DOCK3: variants seen among roughly 807,000 people sequenced by gnomAD.
DOCK3 encodes dedicator of cytokinesis protein 3.
DOCK3 carries 60 observed loss-of-function variants against 265.6 expected under a neutral mutation model. That is an observed-to-expected ratio of 0.23 (90% CI 0.18 to 0.28). The LOEUF is 0.28. DOCK3 is among the 10% of genes least tolerant of loss of function. DOCK3 has a pLI of 1.00. For synonymous variants in DOCK3, 881 were observed against 938.0 expected, an observed-to-expected ratio of 0.94 and a Z score of 1.11; for missense variants, 1,981 against 2,594.3, an observed-to-expected ratio of 0.76 and a Z score of 5.14.
At chr3:50,879,361 A>T (rs1403446158) in intron 3 of DOCK3, among the ~76,000 whole-genome samples, 1 of 152,224 alleles carries the variant, frequency 6.6e-6, no homozygotes, top group Non-Finnish European at 1.5e-5. Context: ...AAGACCCATC[A>T]GTGTGCTATA....
At chr3:51,319,091 G>A (rs1021237104) in intron 32 of DOCK3, among the ~76,000 whole-genome samples, 4 of 152,020 alleles carry the variant, frequency 2.6e-5, no homozygotes, top group African/African-American at 4.8e-5. Flanking sequence ...TGTTAAATAA[G>A]AGCAATGAGA....
intron 1 of DOCK3, among the ~76,000 whole-genome samples, chr3:50,702,985 A>G (rs538441857): frequency 1.3e-5 from 2 of 152,232 alleles, no homozygotes; most frequent in South Asian, 4.1e-4. Flanking sequence ...GGTTTGTCAT[A>G]GGTGGCTTTT....
chr3:51,305,222 A>G (rs2109402443), intron 27 of DOCK3, among the ~76,000 whole-genome samples: 2 of 152,164 alleles, frequency 1.3e-5, no homozygotes, highest in East Asian at 3.9e-4. Context: ...TTTGCATTAT[A>G]TATTTTGAGG....
At chr3:51,203,258 T>C (rs1266875562) in intron 12 of DOCK3, among the ~76,000 whole-genome samples, 3 of 152,092 alleles carry the variant, frequency 2.0e-5, no homozygotes, top group Non-Finnish European at 4.4e-5. Flanking sequence ...TGATTGTATA[T>C]CTAGAAAACC....
At chr3:51,321,577 C>G (rs913213219) in intron 32 of DOCK3, among the ~76,000 whole-genome samples, 5 of 152,046 alleles carry the variant, frequency 3.3e-5, no homozygotes, top group African/African-American at 1.2e-4. Flanking sequence ...AGCCAAGAAC[C>G]TTGAAAAAGG....
At chr3:51,341,029 C>T (rs1219159029) in intron 37 of DOCK3, among the ~76,000 whole-genome samples, 1 of 152,216 alleles carries the variant, frequency 6.6e-6, no homozygotes, top group African/African-American at 2.4e-5. Context: ...AGGTGTCTAC[C>T]AGAATATTTG....
chr3:51,057,706 C>T (rs930602843), intron 5 of DOCK3, among the ~76,000 whole-genome samples: 8 of 152,120 alleles, frequency 5.3e-5, no homozygotes, highest in South Asian at 2.1e-4. Context: ...AGTGCGGTGT[C>T]GGAGCAATGT....
intron 2 of DOCK3, among the ~76,000 whole-genome samples, chr3:50,780,635 A>G (rs1369839464): frequency 6.6e-6 from 1 of 152,216 alleles, no homozygotes; most frequent in African/African-American, 2.4e-5. Flanking sequence ...TATAGTGATC[A>G]GATCAGGGTA....
At chr3:51,291,438 A>G (rs1476159999) in intron 27 of DOCK3, among the ~76,000 whole-genome samples, 1 of 152,210 alleles carries the variant, frequency 6.6e-6, no homozygotes, top group Non-Finnish European at 1.5e-5. Flanking sequence ...GATAACAGAA[A>G]TATAAAGGAT....
At chr3:51,294,535 A>C (rs2081965994) in intron 27 of DOCK3, among the ~76,000 whole-genome samples, 1 of 152,084 alleles carries the variant, frequency 6.6e-6, no homozygotes, top group Non-Finnish European at 1.5e-5. Flanking sequence ...AAAAATAGCC[A>C]GGCGTGGTGG....
intron 49 of DOCK3, among the ~76,000 whole-genome samples, chr3:51,372,331 G>A (rs1045551133): frequency 6.6e-6 from 1 of 152,206 alleles, no homozygotes; most frequent in Non-Finnish European, 1.5e-5. Context: ...TCCTACCATG[G>A]GATTGGCTGC....
At chr3:51,333,900 G>A (rs1353386869) in intron 35 of DOCK3, among the ~76,000 whole-genome samples, 1 of 151,704 alleles carries the variant, frequency 6.6e-6, no homozygotes, top group Non-Finnish European at 1.5e-5. Context: ...CCAGACTGGA[G>A]GGCAATCATG....
chr3:51,076,808 G>A (rs1371678826), intron 7 of DOCK3, among the ~76,000 whole-genome samples: 1 of 152,126 alleles, frequency 6.6e-6, no homozygotes, highest in African/African-American at 2.4e-5. Context: ...GAGAAGGAAA[G>A]ACATTCCAAA....
chr3:50,898,906 C>G (rs1405029331), intron 4 of DOCK3, among the ~76,000 whole-genome samples: 1 of 152,068 alleles, frequency 6.6e-6, no homozygotes, highest in Non-Finnish European at 1.5e-5. Context: ...ATTATGTGAT[C>G]GATTTCAGAA....
At chr3:50,713,573 G>C (rs1213604560) in intron 1 of DOCK3, among the ~76,000 whole-genome samples, 1 of 152,058 alleles carries the variant, frequency 6.6e-6, no homozygotes, top group Non-Finnish European at 1.5e-5. Flanking sequence ...TTCAAGTACA[G>C]TAATTTTGAT....
At chr3:50,919,147 G>C (rs545768745) in intron 4 of DOCK3, among the ~76,000 whole-genome samples, 1 of 152,304 alleles carries the variant, frequency 6.6e-6, no homozygotes, top group South Asian at 2.1e-4. Context: ...GTACCATGCT[G>C]TTTTGGTTAC....
At chr3:51,059,455 CCACACA>C (rs57596003) in intron 5 of DOCK3, among the ~76,000 whole-genome samples, 4,672 of 140,620 alleles carry the variant, frequency 0.033, 204 homozygotes, top group African/African-American at 0.1. Context: ...AGAAAAAAAA[CCACACA>C]CACACACACA....
chr3:50,832,015 A>C (rs1576580918), intron 2 of DOCK3, among the ~76,000 whole-genome samples: 1 of 152,088 alleles, frequency 6.6e-6, no homozygotes, highest in Non-Finnish European at 1.5e-5. Context: ...TTTGTTGGCC[A>C]CATAAATGTC....
intron 39 of DOCK3, 24 bp from the exon 40 acceptor site, chr3:51,350,264 C>T (rs2085886785): frequency 1.9e-6 from 3 of 1,590,030 alleles, no homozygotes; most frequent in Admixed American, 1.9e-5. Flanking sequence ...GTCAAGCCAA[C>T]CTGAAGACCT....
Sources: allele counts gnomAD v4.1 joint callset (sites outside exome capture counted in the v4.1 genomes callset), GRCh38; gene constraint gnomAD v4.1.1; transcripts MANE v1.5; gene names NCBI Gene and HGNC (gene_info 2026-07-23, HGNC 2026-07-21).